The following MAPKAPK2 variants were observed in gnomAD, a reference collection of about 807,000 sequenced individuals.
MAPKAPK2 encodes the protein MAP kinase-activated protein kinase 2.
Under a neutral mutation model 48.8 loss-of-function variants are expected in MAPKAPK2, and 9 were observed. The ratio of observed to expected loss-of-function variants is 0.18; its 90% CI spans 0.11 to 0.32. MAPKAPK2 has a LOEUF of 0.32. Ranked by LOEUF, MAPKAPK2 falls within the 10% of genes least tolerant of loss-of-function variation. The pLI is 1.00. For missense variants in MAPKAPK2, 331 were observed against 498.3 expected (o/e 0.66, Z 3.20); for synonymous variants, 202 against 190.6 (o/e 1.06, Z -0.49).
rs2102418112 is a variant in MAPKAPK2 at position 206,732,368 on chromosome 1, A to G, written c.1060-207A>G. 1.4e-6 allele frequency: 2 copies of G among 1,446,886 alleles called. No individual in the cohort carries two copies. Among genetic ancestry groups the G allele is most frequent in the South Asian group, 1.5e-5 (1 of 66,754 alleles). 89.6% of individuals were successfully genotyped at this position (1,446,886 alleles called of 1,614,324 possible). The stretch of plus-strand genomic sequence containing the variant: ...GCTCTCAGGGAACAGCAGCAGTGCC[A>G]TAGCCAGGCTCTCTGCTGCCCAGCG... On this transcript the variant is annotated intron_variant, in intron 9 of 9. Coordinates refer to ENST00000367103, the MANE Select transcript of MAPKAPK2 (RefSeq NM_032960.4). The surrounding 1 kb of genome is among the most constrained non-coding windows in gnomAD (Gnocchi z 4.4).
At position 206,734,079 on chromosome 1, in the gene MAPKAPK2, G is replaced by A. The variant is rs553667852; in HGVS notation, c.*1361G>A. The A allele has an allele frequency of 6.5e-6, 1 of 152,814 alleles. No homozygotes were observed. The highest frequency in any genetic ancestry group is 2.4e-5 in the African/African-American group (1 of 41,578). The allele number at this position is 152,814 out of a possible 1,614,324, so 9.5% of individuals were successfully genotyped here. Reference sequence around the variant, plus strand: ...CCCCCCACTCCCCCTTCCCTTGGAGGGAGAGGTGGCAGGAATACTTCACCT... The same window carrying A: ...CCCCCCACTCCCCCTTCCCTTGGAGAGAGAGGTGGCAGGAATACTTCACCT... On this transcript the variant is annotated 3_prime_UTR_variant, in exon 10 of 10. Transcript: ENST00000367103.
intron 1 of MAPKAPK2, among the ~76,000 whole-genome samples, chr1:206,716,548 G>T (rs1197767152): frequency 6.6e-6 from 1 of 152,066 alleles, no homozygotes; most frequent in Non-Finnish European, 1.5e-5. Flanking sequence ...CACATTCTCT[G>T]TCAACTCTCC....
At chr1:206,707,093 C>T (rs551239588) in intron 1 of MAPKAPK2, among the ~76,000 whole-genome samples, 66 of 152,258 alleles carry the variant, frequency 4.3e-4, no homozygotes, top group African/African-American at 1.4e-3. Flanking sequence ...CTTGTTGGGC[C>T]TCCACTTCCT....
intron 3 of MAPKAPK2, 136 bp downstream of exon 3, chr1:206,729,235 A>AG: frequency 8.7e-7 from 1 of 1,144,874 alleles, no homozygotes; most frequent in Non-Finnish European, 1.3e-6. Context: ...GGGGTGCCTC[A>AG]GCTGACCAGG....
intron 1 of MAPKAPK2, among the ~76,000 whole-genome samples, chr1:206,698,519 A>G (rs1553427392): frequency 6.6e-6 from 1 of 152,200 alleles, no homozygotes; most frequent in Non-Finnish European, 1.5e-5. Flanking sequence ...CTTTGATACA[A>G]TATAACAAAT....
chr1:206,730,808 C>T (rs368248310), intron 6 of MAPKAPK2, 45 bp downstream of exon 6: 29 of 1,579,334 alleles, frequency 1.8e-5, no homozygotes, highest in Non-Finnish European at 2.1e-5. Context: ...GGAGTCAGGG[C>T]GGCCTGTACT....
intron 1 of MAPKAPK2, among the ~76,000 whole-genome samples, chr1:206,694,641 G>C (rs551765355): frequency 1.3e-5 from 2 of 152,216 alleles, no homozygotes; most frequent in South Asian, 4.1e-4. Flanking sequence ...CAGGTTGCTC[G>C]TCATGCTTGG....
chr1:206,731,299 C>CATGT lies in MAPKAPK2; in HGVS notation c.892+37_892+38insATGT. The CATGT allele has an allele frequency of 6.4e-7, 1 of 1,561,570 alleles. No homozygotes were observed. Among genetic ancestry groups the CATGT allele is most frequent in the Admixed American group, 1.7e-5 (1 of 57,948 alleles). On this transcript the variant is annotated intron_variant, in intron 7 of 9. Coordinates refer to ENST00000367103, the MANE Select transcript of MAPKAPK2 (RefSeq NM_032960.4). The surrounding 1 kb of genome is among the most constrained non-coding windows in gnomAD (Gnocchi z 5.9). ...GGCTTTCAGGACAAGGGGAAGAGCC[C>CATGT]GTGTGTGTGTGTGTGTGTGTATGTG...
chr1:206,730,619 T>C (rs1673871018), intron 5 of MAPKAPK2, 69 bp from the exon 6 acceptor site: 1 of 1,364,750 alleles, frequency 7.3e-7, no homozygotes, highest in Non-Finnish European at 1.0e-6. Flanking sequence ...GGAGCATCTT[T>C]CACAGAGAAA....
chr1:206,687,754 A>G (rs1029416949), intron 1 of MAPKAPK2, among the ~76,000 whole-genome samples: 14 of 152,248 alleles, frequency 9.2e-5, no homozygotes, highest in African/African-American at 3.4e-4. Flanking sequence ...CCAGAAGTCT[A>G]GTGATTATAA....
At chr1:206,715,238 C>G (rs988845744) in intron 1 of MAPKAPK2, among the ~76,000 whole-genome samples, 2 of 152,192 alleles carry the variant, frequency 1.3e-5, no homozygotes, top group Admixed American at 6.5e-5. Context: ...GTGTTAGAGT[C>G]TCTGTCCCCA....
At chr1:206,697,245 G>A (rs532429187) in intron 1 of MAPKAPK2, among the ~76,000 whole-genome samples, 9 of 152,292 alleles carry the variant, frequency 5.9e-5, no homozygotes, top group South Asian at 2.1e-4. Flanking sequence ...CTACAGACAC[G>A]GCACAGACAC....
At chr1:206,712,978 A>ACG (rs1553429772) in intron 1 of MAPKAPK2, among the ~76,000 whole-genome samples, 1 of 150,780 alleles carries the variant, frequency 6.6e-6, no homozygotes, top group African/African-American at 2.4e-5. Context: ...ACACACACAC[A>ACG]CACACACACA....
In MAPKAPK2 at chr1:206,719,974, C is replaced by T. The variant is rs1428577658; in HGVS notation, c.280-8736C>T. Among the ~76,000 whole-genome samples the T allele has an allele frequency of 2.0e-5, 3 of 152,206 alleles. No homozygotes were observed. The East Asian group carries it at 5.8e-4, about 29-fold the overall frequency. On this transcript the variant is annotated intron_variant, in intron 1 of 9. Coordinates refer to ENST00000367103, the MANE Select transcript of MAPKAPK2 (RefSeq NM_032960.4). Reference sequence around the variant, plus strand: ...TCACGGGGCTTATTTGTCATGTTCTCTATTATACCCTTGGCATCCTCTAAA... The same window carrying T: ...TCACGGGGCTTATTTGTCATGTTCTTTATTATACCCTTGGCATCCTCTAAA...
intron 1 of MAPKAPK2, among the ~76,000 whole-genome samples, chr1:206,711,646 C>G (rs1416842867): frequency 1.5e-5 from 2 of 130,356 alleles, no homozygotes; most frequent in Non-Finnish European, 3.1e-5. Flanking sequence ...TGAGACAGGT[C>G]TCACTCTGTC....
chr1:206,709,603 A>G (rs1302322705), intron 1 of MAPKAPK2, among the ~76,000 whole-genome samples: 2 of 152,254 alleles, frequency 1.3e-5, no homozygotes, highest in Non-Finnish European at 2.9e-5. Flanking sequence ...GCTTGAAGTC[A>G]GTCCGAGCCT....
intron 1 of MAPKAPK2, among the ~76,000 whole-genome samples, chr1:206,699,803 C>G (rs1553427611): frequency 6.6e-6 from 1 of 152,112 alleles, no homozygotes; most frequent in African/African-American, 2.4e-5. Flanking sequence ...GAACAGAGGT[C>G]AGGGCTTGGG....
chr1:206,727,789 T>A (rs1553431982), intron 1 of MAPKAPK2, among the ~76,000 whole-genome samples: 2 of 152,008 alleles, frequency 1.3e-5, no homozygotes, highest in Non-Finnish European at 2.9e-5. Flanking sequence ...GCCTGGCTAA[T>A]TTTTTTTGTA....
intron 1 of MAPKAPK2, among the ~76,000 whole-genome samples, chr1:206,717,046 A>G (rs931363774): frequency 1.3e-5 from 2 of 152,212 alleles, no homozygotes; most frequent in Non-Finnish European, 2.9e-5. Flanking sequence ...CAGGCCTGTG[A>G]ACAGAGCAAA....
Sources: gnomAD v4.1 joint callset for allele counts (sites outside exome capture counted in the v4.1 genomes callset) on GRCh38, gnomAD v4.1.1 for gene constraint, Gnocchi (gnomAD v3.1) non-coding constraint, MANE v1.5 for transcripts, NCBI Gene and HGNC (gene_info 2026-07-23, HGNC 2026-07-21) for gene names.